The following SLC6A16 variants were observed in gnomAD, a reference collection of about 807,000 sequenced individuals.
SLC6A16 encodes orphan sodium- and chloride-dependent neurotransmitter transporter NTT5.
In SLC6A16, 54 loss-of-function variants were observed where a neutral mutation model predicts 65.4. The observed-to-expected ratio is 0.83, with a 90% CI of 0.66 to 1.04. The LOEUF is 1.04. Ranked by LOEUF, SLC6A16 falls within the 50% of genes least tolerant of loss-of-function variation. The probability of loss-of-function intolerance (pLI) is 0.00; values close to 1 mark genes in which losing one functional copy is unlikely to be tolerated. For synonymous variants in SLC6A16, 330 were observed against 346.5 expected, an observed-to-expected ratio of 0.95 and a Z score of 0.53; for missense variants, 816 against 914.0, an observed-to-expected ratio of 0.89 and a Z score of 1.38.
At chr19:49,322,721 G>A (rs1239973856) in intron 1 of SLC6A16, among the ~76,000 whole-genome samples, 1 of 140,306 alleles carries the variant, frequency 7.1e-6, no homozygotes. Context: ...AATTAAAGGA[G>A]ACATAAATAA....
At chr19:49,327,837 G>T (rs1970813809), upstream of SLC6A16, among the ~76,000 whole-genome samples, 1 of 152,202 alleles carries the variant, frequency 6.6e-6, no homozygotes, top group Non-Finnish European at 1.5e-5. Flanking sequence ...AACAGCAAAA[G>T]CCTTGAGGCA....
In SLC6A16 at chr19:49,311,235, A is replaced by G; in HGVS notation, c.113T>C (p.Leu38Ser). 1 of 1,614,142 alleles carries G rather than the reference A, an allele frequency of 6.2e-7. No homozygotes were observed. The highest frequency in any genetic ancestry group is 1.1e-5 in the South Asian group (1 of 91,074). The change falls in exon 2 of 12, where the codon TTG becomes TCG. Residue 38 changes from leucine to serine, a missense_variant. Transcript: ENST00000335875. ...GGTCCAAGATGTTGCAGACCGGGTC[A>G]ATGAACCCTTGTCTTCCCACGTTTG... ...GSQTWEDKGS[L>S]TRSATSWTSE...
At chr19:49,339,009 T>C in the SLC6A16 span, 33 of 1,216,742 alleles carry the variant, frequency 2.7e-5, no homozygotes, top group Middle Eastern at 2.3e-4. The surrounding 1 kb of genome is among the most constrained non-coding windows in gnomAD (Gnocchi z 4.5). Context: ...TGTCAGTGAG[T>C]AGCGGCCTGA....
intron 1 of SLC6A16, among the ~76,000 whole-genome samples, chr19:49,317,352 C>G (rs1039279292): frequency 9.3e-5 from 14 of 150,460 alleles, no homozygotes; most frequent in Non-Finnish European, 1.8e-4. Flanking sequence ...AAAATAATAA[C>G]AATAATAATA....
the SLC6A16 span, among the ~76,000 whole-genome samples, chr19:49,332,506 C>A: frequency 6.6e-6 from 1 of 151,676 alleles, no homozygotes; most frequent in Non-Finnish European, 1.5e-5. Flanking sequence ...TGCAGTGAGC[C>A]GAGATCACAC....
rs1186908429 is a variant in SLC6A16 at position 49,290,405 on chromosome 19, G to T, written c.1942-13C>A. On this transcript the variant is annotated splice_polypyrimidine_tract_variant and intron_variant, in intron 11 of 11. Coordinates refer to ENST00000335875, the MANE Select transcript of SLC6A16 (RefSeq NM_014037.3). ...GCACCTCTTTTGACTGTGGAGAGAT[G>T]GGAAAAGGGTTCAGAATATCAAAAT... The T allele has an allele frequency of 2.5e-6, 4 of 1,603,892 alleles. No individual in the cohort carries two copies. Among genetic ancestry groups the T allele is most frequent in the Non-Finnish European group, 3.4e-6 (4 of 1,174,098 alleles).
the SLC6A16 span, among the ~76,000 whole-genome samples, chr19:49,330,435 G>C: frequency 6.6e-6 from 1 of 152,138 alleles, no homozygotes; most frequent in African/African-American, 2.4e-5. Flanking sequence ...TCTCGTGAGT[G>C]AGTGTAGCTA....
chr19:49,293,314 T>A lies in SLC6A16; in HGVS notation c.1687A>T (p.Arg563Ter), dbSNP rs1392001983. The A allele has an allele frequency of 6.2e-7, 1 of 1,613,974 alleles. No individual in the cohort carries two copies. The highest frequency in any genetic ancestry group is 8.5e-7 in the Non-Finnish European group (1 of 1,180,000). Residue 563 changes from arginine (R) to a stop codon, truncating the protein, a stop_gained, in exon 10 of 12, where the codon AGA (arginine) becomes TGA (stop). Coordinates refer to ENST00000335875, the MANE Select transcript of SLC6A16 (RefSeq NM_014037.3). LOFTEE classifies it high-confidence loss of function. ...ACTATCCAGTAGTCACTCAGCAGTCTGATGAAGTAGCTGCCTGAAGGTCGA... is the reference window on the plus strand; with the variant it reads ...ACTATCCAGTAGTCACTCAGCAGTCAGATGAAGTAGCTGCCTGAAGGTCGA... ...FTRPSGSYFI[R>*]LLSDYWIVFP...
chr19:49,339,847 G>A, the SLC6A16 span: 3 of 1,332,836 alleles, frequency 2.3e-6, no homozygotes, highest in South Asian at 3.3e-5. This position sits in a 1 kb window ranked among gnomAD's most constrained non-coding sequence, Gnocchi z 4.5. Flanking sequence ...GGGAGACAAG[G>A]CACCGCAGGG....
At position 49,310,484 on chromosome 19, in the gene SLC6A16, TG is replaced by T; in HGVS notation, c.441del (p.Phe147LeufsTer65). The T allele has an allele frequency of 1.2e-6, 2 of 1,614,020 alleles. No individual in the cohort carries two copies. On this transcript the variant is annotated frameshift_variant, in exon 3 of 12. Coordinates refer to ENST00000335875, the MANE Select transcript of SLC6A16 (RefSeq NM_014037.3). LOFTEE classifies it high-confidence loss of function. ...GGCSFAAIYI[F>X]MLFLVGVPLL... The stretch of plus-strand genomic sequence containing the variant: ...AGAGGAACCCCGACCAGGAACAGCA[TG>T]AAGATGTAGATGGCAGCGAAACTGC...
At chr19:49,334,844 C>T in the SLC6A16 span, among the ~76,000 whole-genome samples, 3 of 151,688 alleles carry the variant, frequency 2.0e-5, no homozygotes, top group Non-Finnish European at 2.9e-5. Context: ...TTTTCCCCAC[C>T]GTACTCCAGC....
At chr19:49,339,334 GC>G in the SLC6A16 span, 1 of 1,613,896 alleles carries the variant, frequency 6.2e-7, no homozygotes, top group Non-Finnish European at 8.5e-7. The surrounding 1 kb of genome is among the most constrained non-coding windows in gnomAD (Gnocchi z 4.5). Context: ...CCCCAGGGCT[GC>G]GCGCAGGGCC....
At chr19:49,338,382 C>T in the SLC6A16 span, among the ~76,000 whole-genome samples, 4 of 151,830 alleles carry the variant, frequency 2.6e-5, no homozygotes, top group African/African-American at 9.7e-5. The surrounding 1 kb of genome is among the most constrained non-coding windows in gnomAD (Gnocchi z 5.0). Context: ...ATGAGACTCA[C>T]ATGGTCTCGC....
At position 49,309,747 on chromosome 19, in the gene SLC6A16, A is replaced by G. The variant is rs1970473532; in HGVS notation, c.780T>C (p.Asp260=). The stretch of plus-strand genomic sequence containing the variant: ...CCAGACTGTAGACTGGTGACCCGCC[A>G]TCCTCGATTCTGTCTGAGGCCTTCA... ...QALKASDRIE[D]GGSPVYSLVL... The change falls in exon 5 of 12, where the codon GAT becomes GAC. Residue 260 remains aspartate (D), a synonymous_variant. Transcript: ENST00000335875. The G allele has an allele frequency of 3.1e-6, 5 of 1,614,110 alleles. No individual in the cohort carries two copies. The South Asian group carries it at 5.5e-5, about 18-fold the overall frequency.
In SLC6A16 at chr19:49,311,253, C is replaced by G. The variant is rs762291506; in HGVS notation, c.95G>C (p.Trp32Ser). Residue 32 changes from tryptophan (W) to serine (S), a missense_variant, in exon 2 of 12, where the codon TGG becomes TCG. Coordinates refer to ENST00000335875, the MANE Select transcript of SLC6A16 (RefSeq NM_014037.3). ...ISDSVPGSQT[W>S]EDKGSLTRSA... ...CCGGGTCAATGAACCCTTGTCTTCC[C>G]ACGTTTGACTTCCTGGGACACTGTC... 1 of 1,613,906 alleles carries G rather than the reference C, an allele frequency of 6.2e-7. No individual in the cohort carries two copies. The highest frequency in any genetic ancestry group is 1.1e-5 in the South Asian group (1 of 91,066).
At chr19:49,300,757 A>T (rs1162670710) in intron 7 of SLC6A16, among the ~76,000 whole-genome samples, 1 of 152,176 alleles carries the variant, frequency 6.6e-6, no homozygotes, top group African/African-American at 2.4e-5. Context: ...ATCCTTGAAC[A>T]ACAATTACTC....
chr19:49,315,500 C>T (rs1265027787), intron 1 of SLC6A16, among the ~76,000 whole-genome samples: 2 of 152,116 alleles, frequency 1.3e-5, no homozygotes, highest in African/African-American at 4.8e-5. Context: ...GTACAAAAAT[C>T]CAGCCTTTGG....
chr19:49,294,388 G>A lies in SLC6A16; in HGVS notation c.1395C>T (p.Asn465=). 1.2e-6 allele frequency: 2 copies of A among 1,614,042 alleles called. No individual in the cohort carries two copies. Among genetic ancestry groups the A allele is most frequent in the Non-Finnish European group, 1.7e-6 (2 of 1,179,986 alleles). ...TGACCTTAAGAAACTGAGTCTCTAT[G>A]TTGCACTCAGTCACCTCGCGGAGAA... ...SMVLREVTEC[N]IETQFLKASE... Residue 465 remains asparagine (N), a synonymous_variant, in exon 8 of 12, where the codon AAC becomes AAT. Coordinates refer to ENST00000335875, the MANE Select transcript of SLC6A16 (RefSeq NM_014037.3).
the SLC6A16 span, chr19:49,331,773 C>A: frequency 9.0e-5 from 41 of 457,296 alleles, no homozygotes; most frequent in East Asian, 2.6e-3. Context: ...GGCCCAAGAC[C>A]AGTCACATGG....
Sources: allele counts gnomAD v4.1 joint callset (sites outside exome capture counted in the v4.1 genomes callset), GRCh38; gene constraint gnomAD v4.1.1; non-coding constraint Gnocchi (gnomAD v3.1); transcripts MANE v1.5; gene names NCBI Gene and HGNC (gene_info 2026-07-23, HGNC 2026-07-21).